SMAP1: variants seen among roughly 807,000 people sequenced by gnomAD.
SMAP1 encodes the protein small ArfGAP 1, also known as stromal membrane-associated protein 1.
Under a neutral mutation model 58.5 loss-of-function variants are expected in SMAP1, and 24 were observed. The ratio of observed to expected loss-of-function variants is 0.41; its 90% CI spans 0.30 to 0.58. SMAP1 has a LOEUF of 0.58. SMAP1 is among the 20% of genes least tolerant of loss of function. The probability of loss-of-function intolerance (pLI) is 0.29; values close to 1 mark genes in which losing one functional copy is unlikely to be tolerated. For missense variants in SMAP1, 563 were observed against 566.3 expected, an observed-to-expected ratio of 0.99 and a Z score of 0.06; for synonymous variants, 216 against 196.6, an observed-to-expected ratio of 1.10 and a Z score of -0.82.
intron 6 of SMAP1, among the ~76,000 whole-genome samples, chr6:70,824,588 G>C (rs186894323): frequency 6.6e-6 from 1 of 152,186 alleles, no homozygotes; most frequent in East Asian, 1.9e-4. Flanking sequence ...ATGCAGTGAA[G>C]TTTTAATTGC....
Position 70,755,059 on chromosome 6 carries a change from C to G in SMAP1, c.332C>G (p.Thr111Arg). The change falls in exon 3 of 11, where the codon ACA becomes AGA. Residue 111 changes from threonine to arginine, a missense_variant. Transcript: ENST00000370455. ...NLPENFRRPQ[T>R]DQAVEFFIRD... ...CCAGAGAACTTTCGAAGACCACAGA[C>G]AGATCAGTATCCTTTAAAACTTATT... 1 of 1,607,038 alleles carries G rather than the reference C, an allele frequency of 6.2e-7. No homozygotes were observed. Among genetic ancestry groups the G allele is most frequent in the Non-Finnish European group, 8.5e-7 (1 of 1,174,848 alleles).
intron 4 of SMAP1, among the ~76,000 whole-genome samples, chr6:70,786,619 A>T (rs2149934210): frequency 6.6e-6 from 1 of 152,226 alleles, no homozygotes; most frequent in East Asian, 1.9e-4. Context: ...CAGGATACAA[A>T]ATCAGTGTAC....
intron 1 of SMAP1, among the ~76,000 whole-genome samples, chr6:70,707,519 C>A (rs960233498): frequency 6.6e-6 from 1 of 152,080 alleles, no homozygotes. Flanking sequence ...TTTTCAAAAG[C>A]AAACTATTTT....
At chr6:70,759,032 AGCATGTAG>A (rs1766637796) in intron 3 of SMAP1, among the ~76,000 whole-genome samples, 1 of 152,092 alleles carries the variant, frequency 6.6e-6, no homozygotes, top group Admixed American at 6.6e-5. Flanking sequence ...GGAGTCGCTT[AGCATGTAG>A]GTGATGATAT....
chr6:70,858,340 A>G (rs1771534397), intron 10 of SMAP1, 111 bp downstream of exon 10: 1 of 928,502 alleles, frequency 1.1e-6, no homozygotes, highest in Non-Finnish European at 1.5e-6. Flanking sequence ...GGCAGAAAGA[A>G]TTCAATAGGG....
In SMAP1 at chr6:70,787,362, G is replaced by C. The variant is rs539822096; in HGVS notation, c.415-4327G>C. ...ATAAAAGCCCTAGAAGAAAACCTAG[G>C]CAATACCATTCAGGACATAGGCATG... On this transcript the variant is annotated intron_variant, in intron 4 of 10. Coordinates refer to ENST00000370455, the MANE Select transcript of SMAP1 (RefSeq NM_001044305.3). Among the ~76,000 whole-genome samples, 319 of 151,200 alleles carry C rather than the reference G, an allele frequency of 2.1e-3. 1 individual carries two copies. The highest frequency in any genetic ancestry group is 7.1e-3 in the African/African-American group (292 of 41,190).
Position 70,768,426 on chromosome 6 carries a change from G to A in SMAP1, c.339-4924G>A, listed in dbSNP as rs9446295. Among the ~76,000 whole-genome samples, 1,510 of 152,272 alleles carry A rather than the reference G, an allele frequency of 9.9e-3. 15 individuals carry two copies. Among genetic ancestry groups the A allele is most frequent in the African/African-American group, 0.034 (1,402 of 41,538 alleles). ...GCTATTGATTATTGCCACAATTTCA[G>A]CTCCTGTTATTGGTCTGTTCAGAGA... On this transcript the variant is annotated intron_variant, in intron 3 of 10. Transcript: ENST00000370455.
At chr6:70,772,671 C>T (rs1222412271) in intron 3 of SMAP1, among the ~76,000 whole-genome samples, 4 of 152,140 alleles carry the variant, frequency 2.6e-5, no homozygotes, top group African/African-American at 9.7e-5. Context: ...AAGATGAGTC[C>T]AGACAACTTC....
chr6:70,859,213 C>A (rs1771583691), intron 10 of SMAP1: 5 of 648,108 alleles, frequency 7.7e-6, no homozygotes, highest in African/African-American at 1.8e-5. Flanking sequence ...CGCTGGGAAT[C>A]TAAAAAATTG....
At chr6:70,700,071 A>G (rs1319260199) in intron 1 of SMAP1, among the ~76,000 whole-genome samples, 1 of 151,992 alleles carries the variant, frequency 6.6e-6, no homozygotes, top group Non-Finnish European at 1.5e-5. Flanking sequence ...GGTCACAGGA[A>G]TGGATTCCTC....
At chr6:70,668,262 C>CT in intron 1 of SMAP1, 121 bp downstream of exon 1, 1 of 946,414 alleles carries the variant, frequency 1.1e-6, no homozygotes, top group Non-Finnish European at 1.5e-6. Flanking sequence ...CCTGCCCTGA[C>CT]TGGAGGGCGG....
At chr6:70,727,962 C>T (rs1765256508) in intron 1 of SMAP1, among the ~76,000 whole-genome samples, 1 of 152,016 alleles carries the variant, frequency 6.6e-6, no homozygotes, top group South Asian at 2.1e-4. Context: ...ACTTGTGAGG[C>T]TGAGGTGGGA....
chr6:70,840,371 C>A (rs912025636), intron 7 of SMAP1, among the ~76,000 whole-genome samples: 1 of 152,172 alleles, frequency 6.6e-6, no homozygotes, highest in Non-Finnish European at 1.5e-5. Context: ...CTTTCCTGAT[C>A]TACTACCCAT....
chr6:70,770,524 C>T (rs1005805807), intron 3 of SMAP1, among the ~76,000 whole-genome samples: 7 of 152,202 alleles, frequency 4.6e-5, no homozygotes, highest in Non-Finnish European at 8.8e-5. Context: ...GACACCCTTT[C>T]TTCCAGTTGA....
chr6:70,776,056 T>TA (rs1767533495), intron 4 of SMAP1, among the ~76,000 whole-genome samples: 1 of 152,190 alleles, frequency 6.6e-6, no homozygotes. Context: ...ACATGACTGT[T>TA]AGAGACATTT....
In SMAP1 at chr6:70,861,497, T is replaced by C. The variant is rs371761674; in HGVS notation, c.*1163T>C. On this transcript the variant is annotated 3_prime_UTR_variant, in exon 11 of 11. Coordinates refer to ENST00000370455, the MANE Select transcript of SMAP1 (RefSeq NM_001044305.3). ...TTGTACCAACCATCCAATTAGCTTA[T>C]GTTAACTGACAAGCTCCATTTAAAC... 110 of 622,304 alleles carry C rather than the reference T, an allele frequency of 1.8e-4. No individual in the cohort carries two copies. The East Asian group carries it at 2.3e-3, about 13-fold the overall frequency. The allele number at this position is 622,304 out of a possible 1,614,324, so 38.5% of individuals were successfully genotyped here.
At chr6:70,692,543 G>A (rs762385305) in intron 1 of SMAP1, among the ~76,000 whole-genome samples, 12 of 152,190 alleles carry the variant, frequency 7.9e-5, no homozygotes, top group Non-Finnish European at 1.5e-4. Context: ...TAGTTTCATA[G>A]TTTGAGGTCT....
rs187631952 is a variant in SMAP1 at position 70,769,411 on chromosome 6, A to C, written c.339-3939A>C. On this transcript the variant is annotated intron_variant, in intron 3 of 10. Transcript: ENST00000370455. Reference sequence around the variant, plus strand: ...TAAGTCTTTTTGTAGGTCACTCAGGACTTGCTTTATGAATCTGGGTGCTCC... The same window carrying C: ...TAAGTCTTTTTGTAGGTCACTCAGGCCTTGCTTTATGAATCTGGGTGCTCC... 2.0e-3 allele frequency among the ~76,000 whole-genome samples: 299 copies of C among 152,206 alleles called. 1 individual carries two copies. The highest frequency in any genetic ancestry group is 3.2e-3 in the Non-Finnish European group (220 of 68,004).
At chr6:70,717,462 T>C (rs949690043) in intron 1 of SMAP1, among the ~76,000 whole-genome samples, 1 of 152,224 alleles carries the variant, frequency 6.6e-6, no homozygotes, top group Non-Finnish European at 1.5e-5. Flanking sequence ...AAGCTGGGTA[T>C]TGGGGATTCC....
Sources: allele counts gnomAD v4.1 joint callset (sites outside exome capture counted in the v4.1 genomes callset), GRCh38; gene constraint gnomAD v4.1.1; transcripts MANE v1.5; gene names NCBI Gene and HGNC (gene_info 2026-07-23, HGNC 2026-07-21).